RIMBP2: variants seen among roughly 807,000 people sequenced by gnomAD.
The protein encoded by RIMBP2 is RIMS binding protein 2, also known as RIMS-binding protein 2.
Under a neutral mutation model 118.6 loss-of-function variants are expected in RIMBP2, and 48 were observed. The observed-to-expected ratio is 0.40, with a 90% confidence interval of 0.32 to 0.51. The LOEUF is 0.51. Ranked by LOEUF, RIMBP2 falls within the 20% of genes least tolerant of loss-of-function variation. The probability of loss-of-function intolerance (pLI) is 0.41; values close to 1 mark genes in which losing one functional copy is unlikely to be tolerated. For missense variants in RIMBP2, 1,551 were observed against 1,768.3 expected (o/e 0.88, Z 2.20); for synonymous variants, 762 against 742.9 (o/e 1.03, Z -0.42).
chr12:130,544,269 T>G (rs61934600), intron 2 of RIMBP2, among the ~76,000 whole-genome samples: 12,731 of 152,292 alleles, frequency 0.084, 714 homozygotes, highest in South Asian at 0.17. Flanking sequence ...TCCTCCCCAG[T>G]AGGTGCTTTT....
In RIMBP2 at chr12:130,506,788, G is replaced by A. The variant is rs1027397667; in HGVS notation, c.-126-18C>T. The A allele has an allele frequency of 6.1e-6, 6 of 985,560 alleles. No homozygotes were observed. The African/African-American group carries it at 1.0e-4, about 17-fold the overall frequency. 61.1% of individuals were successfully genotyped at this position (985,560 alleles called of 1,614,324 possible). On this transcript the variant is annotated intron_variant, in intron 3 of 22. Transcript: ENST00000690449. ...GCCTTCACCTGCAAGCGGAAGGGAT[G>A]GAGACAAGGAGGTTATCACAACATG...
chr12:130,665,248 A>G (rs1287740282), intron 1 of RIMBP2, among the ~76,000 whole-genome samples: 1 of 151,582 alleles, frequency 6.6e-6, no homozygotes, highest in African/African-American at 2.4e-5. Flanking sequence ...GAAAAAACAC[A>G]ACACCCCAGC....
At chr12:130,466,534 A>T (rs2080493886) in intron 6 of RIMBP2, among the ~76,000 whole-genome samples, 1 of 152,204 alleles carries the variant, frequency 6.6e-6, no homozygotes, top group African/African-American at 2.4e-5. Context: ...CCGTGAAAGG[A>T]AAATAAATCT....
At chr12:130,499,571 C>T (rs557225862) in intron 4 of RIMBP2, among the ~76,000 whole-genome samples, 13 of 152,268 alleles carry the variant, frequency 8.5e-5, no homozygotes, top group East Asian at 3.9e-4. Context: ...ACTATTTCCC[C>T]GTGTTCATTC....
In RIMBP2 at chr12:130,670,508, A is replaced by G. The variant is rs2064147340; in HGVS notation, c.-351-42052T>C. On this transcript the variant is annotated intron_variant, in intron 1 of 22. Transcript: ENST00000690449. This position sits in a 1 kb window ranked among gnomAD's most constrained non-coding sequence, Gnocchi z 4.9. ...CCTCCAACTGAGGCACCCTTCCCCC[A>G]GGGGTTCCATGGTCAGCTCCTTAGC... 6.6e-6 allele frequency among the ~76,000 whole-genome samples: 1 copy of G among 152,058 alleles called. No individual in the cohort carries two copies. Among genetic ancestry groups the G allele is most frequent in the African/African-American group, 2.4e-5 (1 of 41,402 alleles).
At chr12:130,404,375 G>A (rs988651415) in intron 21 of RIMBP2, among the ~76,000 whole-genome samples, 3 of 152,106 alleles carry the variant, frequency 2.0e-5, no homozygotes, top group African/African-American at 4.8e-5. Context: ...TCAGCTCACC[G>A]CAACCTCCAC....
intron 1 of RIMBP2, among the ~76,000 whole-genome samples, chr12:130,646,997 G>C (rs1258273583): frequency 6.6e-6 from 1 of 152,258 alleles, no homozygotes; most frequent in African/African-American, 2.4e-5. Context: ...ACAGACATAT[G>C]CATGTGAGGC....
chr12:130,590,889 A>G (rs973250401), intron 2 of RIMBP2, among the ~76,000 whole-genome samples: 4 of 152,192 alleles, frequency 2.6e-5, no homozygotes, highest in African/African-American at 9.7e-5. Context: ...GCTAGGTGCA[A>G]GTTGCACACG....
At chr12:130,619,928 G>A (rs2061196634) in intron 2 of RIMBP2, among the ~76,000 whole-genome samples, 1 of 152,198 alleles carries the variant, frequency 6.6e-6, no homozygotes, top group Non-Finnish European at 1.5e-5. Flanking sequence ...GCAGACACAT[G>A]CTGTCCTTGG....
chr12:130,399,691 T>A lies in RIMBP2; in HGVS notation c.3888A>T (p.Ser1296=), dbSNP rs551134496. 2.7e-5 allele frequency: 43 copies of A among 1,613,988 alleles called. No homozygotes were observed. Among genetic ancestry groups the A allele is most frequent in the Non-Finnish European group, 3.5e-5 (41 of 1,180,006 alleles). Residue 1296 remains serine (S), a synonymous_variant, in exon 22 of 23, where the codon TCA becomes TCT. Transcript: ENST00000690449. ...TAGGTTTGCTTACCCTTTTTGCCTT[T>A]GAGCGCATTGGCGTATCTTGAGAGT... ...SHYSQDTPMR[S]KAKRVPPEGS...
At chr12:130,445,062 G>T in intron 10 of RIMBP2, 98 bp downstream of exon 10, 1 of 750,894 alleles carries the variant, frequency 1.3e-6, no homozygotes, top group Non-Finnish European at 2.2e-6. Flanking sequence ...CCAGGAGTAT[G>T]TTGGGAGCCC....
In RIMBP2 at chr12:130,511,120, C is replaced by T. The variant is rs972366704; in HGVS notation, c.-126-4350G>A. Among the ~76,000 whole-genome samples the T allele has an allele frequency of 6.6e-6, 1 of 151,996 alleles. No individual in the cohort carries two copies. The highest frequency in any genetic ancestry group is 2.4e-5 in the African/African-American group (1 of 41,384). Reference sequence around the variant, plus strand: ...ACCGGGGTTATCCAGATGGGCTCTACGTAGTCACAGAGCCCTTATCAGGAA... The same window carrying T: ...ACCGGGGTTATCCAGATGGGCTCTATGTAGTCACAGAGCCCTTATCAGGAA... On this transcript the variant is annotated intron_variant, in intron 3 of 22. Transcript: ENST00000690449. The surrounding 1 kb of genome is among the most constrained non-coding windows in gnomAD (Gnocchi z 4.3).
intron 2 of RIMBP2, among the ~76,000 whole-genome samples, chr12:130,590,636 C>T (rs1439724617): frequency 3.3e-5 from 5 of 152,212 alleles, no homozygotes; most frequent in Non-Finnish European, 7.3e-5. Flanking sequence ...CACTAGGTGG[C>T]AGGTGGAGCT....
In RIMBP2 at chr12:130,424,057, A is replaced by G. The variant is rs1488892049; in HGVS notation, c.3129+85T>C. ...CCAGCAAGAGAGTCCCCAGGGATGG[A>G]CACCAGAACAAACAGAAAACCAGTG... On this transcript the variant is annotated intron_variant, in intron 16 of 22. Coordinates refer to ENST00000690449, the MANE Select transcript of RIMBP2 (RefSeq NM_001393629.1). The surrounding 1 kb of genome is among the most constrained non-coding windows in gnomAD (Gnocchi z 9.8). The G allele has an allele frequency of 1.4e-6, 1 of 709,236 alleles. No homozygotes were observed. The highest frequency in any genetic ancestry group is 2.0e-6 in the Non-Finnish European group (1 of 510,454). 43.9% of individuals were successfully genotyped at this position (709,236 alleles called of 1,614,324 possible).
chr12:130,439,335 G>C (rs1157228121), intron 11 of RIMBP2, among the ~76,000 whole-genome samples: 1 of 151,162 alleles, frequency 6.6e-6, no homozygotes, highest in Non-Finnish European at 1.5e-5. Context: ...GTAAGTGTAT[G>C]TATGTGTGTA....
Position 130,442,765 on chromosome 12 carries a change from A to C in RIMBP2, c.692-105T>G. 2 of 980,140 alleles carry C rather than the reference A, an allele frequency of 2.0e-6. No individual in the cohort carries two copies. The highest frequency in any genetic ancestry group is 3.0e-6 in the Non-Finnish European group (2 of 669,560). The allele number at this position is 980,140 out of a possible 1,614,324, so 60.7% of individuals were successfully genotyped here. The stretch of plus-strand genomic sequence containing the variant: ...CACCAGGACCATAAGGCAGAGCAAC[A>C]GGGTTGCCCTGGGGCTCCTCCGCTG... On this transcript the variant is annotated intron_variant, in intron 10 of 22. Transcript: ENST00000690449. This position sits in a 1 kb window ranked among gnomAD's most constrained non-coding sequence, Gnocchi z 6.9.
chr12:130,654,085 A>C (rs548307633), intron 1 of RIMBP2, among the ~76,000 whole-genome samples: 1 of 152,334 alleles, frequency 6.6e-6, no homozygotes, highest in South Asian at 2.1e-4. Context: ...TTCTCTAGCA[A>C]GTAGTCACTC....
chr12:130,680,781 G>T (rs2064745361), intron 1 of RIMBP2, among the ~76,000 whole-genome samples: 1 of 152,220 alleles, frequency 6.6e-6, no homozygotes, highest in African/African-American at 2.4e-5. Flanking sequence ...GGGCAGCCCG[G>T]CCCCGTGGCA....
chr12:130,680,769 A>C (rs996442032), intron 1 of RIMBP2, among the ~76,000 whole-genome samples: 3 of 152,198 alleles, frequency 2.0e-5, no homozygotes, highest in Non-Finnish European at 2.9e-5. Context: ...GCCCCATGAC[A>C]AGGGCAGCCC....
Sources: gnomAD v4.1 joint callset for allele counts (sites outside exome capture counted in the v4.1 genomes callset) on GRCh38, gnomAD v4.1.1 for gene constraint, Gnocchi (gnomAD v3.1) non-coding constraint, MANE v1.5 for transcripts, NCBI Gene and HGNC (gene_info 2026-07-23, HGNC 2026-07-21) for gene names.